PTPN22: variants seen among roughly 807,000 people sequenced by gnomAD.
PTPN22 encodes the protein protein tyrosine phosphatase non-receptor type 22.
PTPN22 carries 85 observed loss-of-function variants against 103.3 expected under a neutral mutation model. The observed-to-expected ratio is 0.82, with a 90% CI of 0.69 to 0.99. The LOEUF is 0.99. PTPN22 is among the 50% of genes least tolerant of loss of function. The probability of loss-of-function intolerance (pLI) is 0.00; values close to 1 mark genes in which losing one functional copy is unlikely to be tolerated. For missense variants in PTPN22, 865 were observed against 936.9 expected, an observed-to-expected ratio of 0.92 and a Z score of 1.00; for synonymous variants, 323 against 310.2, an observed-to-expected ratio of 1.04 and a Z score of -0.43.
chr1:113,854,941 C>T, exon 8 of PTPN22: 1 of 1,613,240 alleles, frequency 6.2e-7, no homozygotes, highest in Non-Finnish European at 8.5e-7. Context: ...CTGTCATCCT[C>T]TTGGTAACAA....
At chr1:113,827,547 A>G (rs1662196169) in intron 18 of PTPN22, among the ~76,000 whole-genome samples, 1 of 152,170 alleles carries the variant, frequency 6.6e-6, no homozygotes, top group African/African-American at 2.4e-5. Flanking sequence ...AACATGATTT[A>G]TGATTTATTT....
chr1:113,859,055 A>C, exon 3 of PTPN22: 2 of 1,613,998 alleles, frequency 1.2e-6, no homozygotes, highest in Non-Finnish European at 1.7e-6. Context: ...GTTATCAGGG[A>C]TAGTTCTACC....
intron 9 of PTPN22, among the ~76,000 whole-genome samples, chr1:113,853,859 C>CTTTTTTTTTTTTTTT (rs894010114): frequency 3.0e-5 from 2 of 67,170 alleles, no homozygotes; most frequent in African/African-American, 6.6e-5. Flanking sequence ...TTTTTTTTTG[C>CTTTTTTTTTTTTTTT]TTTTTTTTTT....
intron 14 of PTPN22, 87 bp downstream of exon 14, chr1:113,834,823 C>G: frequency 9.2e-7 from 1 of 1,089,742 alleles, no homozygotes; most frequent in African/African-American, 1.6e-5. Flanking sequence ...AAGGCTCACA[C>G]ATCAGCTTCC....
chr1:113,851,978 T>C (rs1158816504), intron 10 of PTPN22, 49 bp downstream of exon 10: 1 of 1,425,872 alleles, frequency 7.0e-7, no homozygotes, highest in Non-Finnish European at 9.8e-7. Flanking sequence ...ATTAAACAGA[T>C]GGAGCAAGAC....
In PTPN22 at chr1:113,836,024, T is replaced by A. The variant is rs188650207; in HGVS notation, c.1811-1031A>T. Among the ~76,000 whole-genome samples the A allele has an allele frequency of 2.7e-3, 406 of 152,242 alleles. 3 individuals are homozygous for A. The highest frequency in any genetic ancestry group is 3.7e-3 in the Non-Finnish European group (250 of 68,006). ...TTAAGGTATAAGAAAAGAAAATACA[T>A]TTAAATGTTTAAAAATGTATAAAAT... is the stretch of plus-strand genomic sequence containing the variant. On this transcript the variant is annotated intron_variant, in intron 13 of 20. Transcript: ENST00000359785.
At chr1:113,846,970 G>C (rs1245780496) in intron 11 of PTPN22, among the ~76,000 whole-genome samples, 1 of 70,364 alleles carries the variant, frequency 1.4e-5, no homozygotes, top group Non-Finnish European at 2.8e-5. Flanking sequence ...TTTCTTTCTG[G>C]ATTTTGATGA....
At chr1:113,861,229 T>TTTTG (rs1008706901) in intron 1 of PTPN22, among the ~76,000 whole-genome samples, 1 of 152,162 alleles carries the variant, frequency 6.6e-6, no homozygotes, top group Non-Finnish European at 1.5e-5. Context: ...CTTTCTGTTT[T>TTTTG]TTTGTTTGTT....
At chr1:113,847,453 T>C (rs1014038448) in intron 11 of PTPN22, among the ~76,000 whole-genome samples, 17 of 151,794 alleles carry the variant, frequency 1.1e-4, no homozygotes, top group African/African-American at 4.1e-4. Context: ...TGTCACCTAT[T>C]GTCCTTATTT....
chr1:113,823,678 A>C (rs1037093164), intron 19 of PTPN22, among the ~76,000 whole-genome samples: 2 of 152,238 alleles, frequency 1.3e-5, no homozygotes, highest in Admixed American at 1.3e-4. Flanking sequence ...TAGAGAAAGA[A>C]AACTGTTTTC....
chr1:113,870,811 G>A (rs1666516976), intron 1 of PTPN22, among the ~76,000 whole-genome samples: 1 of 152,112 alleles, frequency 6.6e-6, no homozygotes, highest in South Asian at 2.1e-4. Flanking sequence ...TTGAAGCCAG[G>A]AGTTCGAGAC....
chr1:113,842,243 G>A (rs1231652210), intron 11 of PTPN22, among the ~76,000 whole-genome samples: 2 of 151,878 alleles, frequency 1.3e-5, no homozygotes, highest in Admixed American at 6.6e-5. Context: ...AGAAGGCAAA[G>A]GACTTGAAGA....
chr1:113,826,159 C>T (rs1423201037), intron 18 of PTPN22, among the ~76,000 whole-genome samples: 2 of 151,964 alleles, frequency 1.3e-5, no homozygotes, highest in African/African-American at 4.8e-5. Flanking sequence ...CCAGACTGGG[C>T]AACATGGTGA....
At chr1:113,868,031 T>A (rs953487774) in intron 1 of PTPN22, among the ~76,000 whole-genome samples, 4 of 152,254 alleles carry the variant, frequency 2.6e-5, no homozygotes, top group Non-Finnish European at 5.9e-5. Context: ...ACAATGTAAA[T>A]GCTAGATAAA....
At chr1:113,851,156 A>ATTT (rs5777169) in intron 10 of PTPN22, among the ~76,000 whole-genome samples, 2 of 146,730 alleles carry the variant, frequency 1.4e-5, no homozygotes, top group Non-Finnish European at 1.5e-5. Flanking sequence ...TGTGATTGTA[A>ATTT]TTTTTTTTTT....
chr1:113,860,062 G>GC (rs1665430584), intron 1 of PTPN22, among the ~76,000 whole-genome samples: 2 of 150,694 alleles, frequency 1.3e-5, no homozygotes, highest in African/African-American at 2.4e-5. Flanking sequence ...TCTGGGCTCA[G>GC]GTGATTCTTC....
chr1:113,816,545 G>C (rs749983156), intron 20 of PTPN22, among the ~76,000 whole-genome samples: 1 of 152,092 alleles, frequency 6.6e-6, no homozygotes, highest in Non-Finnish European at 1.5e-5. Context: ...AGCACTTTTG[G>C]AGGTGAGTAT....
intron 11 of PTPN22, among the ~76,000 whole-genome samples, chr1:113,843,304 GT>G (rs1467577403): frequency 1.3e-5 from 2 of 151,674 alleles, no homozygotes; most frequent in African/African-American, 2.4e-5. Flanking sequence ...GTGTGTGTGT[GT>G]GTGGTGTGTG....
chr1:113,816,458 T>G (rs921014845), intron 20 of PTPN22, among the ~76,000 whole-genome samples: 8 of 144,626 alleles, frequency 5.5e-5, no homozygotes, highest in Non-Finnish European at 1.5e-5. Context: ...AAAAACAGCA[T>G]CCAGCACAAT....
Sources: allele counts gnomAD v4.1 joint callset (sites outside exome capture counted in the v4.1 genomes callset), GRCh38; gene constraint gnomAD v4.1.1; transcripts MANE v1.5; gene names NCBI Gene and HGNC (gene_info 2026-07-23, HGNC 2026-07-21).